The following SDC4 variants were observed in gnomAD, a reference collection of about 807,000 sequenced individuals.
The protein encoded by SDC4 is syndecan 4.
A neutral mutation model predicts 20.5 loss-of-function variants in SDC4; 17 were observed. The observed-to-expected ratio is 0.83, with a 90% CI of 0.57 to 1.25. The LOEUF is 1.25. Ranked by LOEUF, SDC4 falls within the 50% of genes most tolerant of loss-of-function variation. SDC4 has a pLI of 0.00. For synonymous variants in SDC4, 107 were observed against 105.3 expected, an observed-to-expected ratio of 1.02 and a Z score of -0.10; for missense variants, 241 against 252.3, an observed-to-expected ratio of 0.96 and a Z score of 0.30.
chr20:45,341,154 G>A (rs888460943), intron 1 of SDC4, among the ~76,000 whole-genome samples: 1 of 152,220 alleles, frequency 6.6e-6, no homozygotes, highest in African/African-American at 2.4e-5. Context: ...TCAATGAATA[G>A]TGGCTGTGAT....
intron 4 of SDC4, among the ~76,000 whole-genome samples, chr20:45,327,861 C>T (rs1288058038): frequency 6.6e-6 from 1 of 152,242 alleles, no homozygotes; most frequent in Non-Finnish European, 1.5e-5. Context: ...CCAGGCTGGT[C>T]TTGAACTCCT....
intron 1 of SDC4, chr20:45,344,995 C>T (rs1363174693): frequency 6.6e-6 from 1 of 152,150 alleles, no homozygotes; most frequent in South Asian, 2.1e-4. Flanking sequence ...TGGTTCTGAC[C>T]TTAGGAAGCC....
intron 1 of SDC4, among the ~76,000 whole-genome samples, chr20:45,346,273 C>A (rs1458444088): frequency 1.3e-5 from 2 of 152,172 alleles, no homozygotes; most frequent in African/African-American, 2.4e-5. Flanking sequence ...AGGGGACAGG[C>A]CAAAGGGGAA....
intron 2 of SDC4, among the ~76,000 whole-genome samples, chr20:45,334,294 G>A (rs1045275470): frequency 3.3e-5 from 5 of 151,900 alleles, no homozygotes; most frequent in Non-Finnish European, 7.4e-5. Flanking sequence ...ACCGCGCCCG[G>A]CCAAAATCTA....
chr20:45,337,017 A>T (rs1248214869), intron 1 of SDC4, among the ~76,000 whole-genome samples: 1 of 151,926 alleles, frequency 6.6e-6, no homozygotes, highest in African/African-American at 2.4e-5. Context: ...GACACAGCTG[A>T]TCAGGACAGA....
chr20:45,338,836 C>T (rs1398483388), intron 1 of SDC4, among the ~76,000 whole-genome samples: 1 of 152,196 alleles, frequency 6.6e-6, no homozygotes, highest in East Asian at 1.9e-4. Context: ...GGCTCCGCGG[C>T]ACGGCCTGGA....
At chr20:45,333,395 G>A (rs6073715) in intron 2 of SDC4, among the ~76,000 whole-genome samples, 114,556 of 152,172 alleles carry the variant, frequency 0.75, 43,255 homozygotes, top group East Asian at 0.95. Flanking sequence ...AAGGCCAGGC[G>A]CGGTGGCTCA....
intron 1 of SDC4, among the ~76,000 whole-genome samples, chr20:45,347,400 T>A (rs937632824): frequency 6.6e-5 from 10 of 152,046 alleles, no homozygotes; most frequent in African/African-American, 2.4e-4. Context: ...CAGATGAGAT[T>A]GCCCCCCTCC....
chr20:45,329,219 T>A (rs1284473469), intron 4 of SDC4, among the ~76,000 whole-genome samples: 1 of 152,210 alleles, frequency 6.6e-6, no homozygotes, highest in East Asian at 1.9e-4. Context: ...GCTCTTAGGC[T>A]TGTATAATTC....
rs773114922 is a variant in SDC4, at chr20:45,330,466, T to C, written c.345A>G (p.Arg115=). ...KLEENEVIPK[R]ISPVEESEDV... is the part of the protein sequence containing the mutation. ...CCTCACTCTCTTCAACGGGTGAGAT[T>C]CTCTTGGGGATAACCTCATTCTCCT... Residue 115 remains arginine, a synonymous_variant, in exon 4 of 5, where the codon AGA becomes AGG. Transcript: ENST00000372733. 5.1e-5 allele frequency: 82 copies of C among 1,614,096 alleles called. No homozygotes were observed. Among genetic ancestry groups the C allele is most frequent in the Non-Finnish European group, 6.5e-5 (77 of 1,180,042 alleles).
chr20:45,339,291 G>A (rs1987920406), intron 1 of SDC4, among the ~76,000 whole-genome samples: 1 of 152,202 alleles, frequency 6.6e-6, no homozygotes, highest in African/African-American at 2.4e-5. Flanking sequence ...GACCAGAGAT[G>A]GACCCCGCCC....
chr20:45,336,862 T>G (rs1040338167), intron 1 of SDC4, among the ~76,000 whole-genome samples: 2 of 151,798 alleles, frequency 1.3e-5, no homozygotes, highest in African/African-American at 2.4e-5. Context: ...AGGAGTGTAC[T>G]CCTGGATTCA....
intron 1 of SDC4, among the ~76,000 whole-genome samples, chr20:45,339,960 A>G (rs529332218): frequency 6.6e-6 from 1 of 152,282 alleles, no homozygotes; most frequent in East Asian, 1.9e-4. Flanking sequence ...CAGACAAGAC[A>G]AGGGATTTTG....
chr20:45,345,220 T>C (rs1308099483), intron 1 of SDC4: 1 of 152,120 alleles, frequency 6.6e-6, no homozygotes, highest in Non-Finnish European at 1.5e-5. Flanking sequence ...CTGCCCTCAG[T>C]GTGCGGGGGG....
chr20:45,342,368 C>G (rs1175858310), intron 1 of SDC4, among the ~76,000 whole-genome samples: 2 of 152,208 alleles, frequency 1.3e-5, no homozygotes, highest in Non-Finnish European at 2.9e-5. Flanking sequence ...GGTAGCCGGG[C>G]CAGCCATGTG....
chr20:45,342,395 G>A (rs1320901149), intron 1 of SDC4, among the ~76,000 whole-genome samples: 2 of 152,178 alleles, frequency 1.3e-5, no homozygotes, highest in African/African-American at 2.4e-5. Context: ...CTGCCCCCAC[G>A]CCCAGAGGCT....
At chr20:45,338,441 A>G (rs1174136610) in intron 1 of SDC4, among the ~76,000 whole-genome samples, 2 of 152,152 alleles carry the variant, frequency 1.3e-5, no homozygotes, top group African/African-American at 4.8e-5. Flanking sequence ...AGTCCTCAAC[A>G]GGGGCTGTAG....
At chr20:45,338,824 G>A (rs1351134918) in intron 1 of SDC4, among the ~76,000 whole-genome samples, 3 of 152,112 alleles carry the variant, frequency 2.0e-5, no homozygotes, top group South Asian at 2.1e-4. Flanking sequence ...AAGTCACCCC[G>A]GGGCTCCGCG....
Position 45,326,913 on chromosome 20 carries a change from C to T in SDC4, c.*351G>A, listed in dbSNP as rs575925856. On this transcript the variant is annotated 3_prime_UTR_variant, in exon 5 of 5. Coordinates refer to ENST00000372733, the MANE Select transcript of SDC4 (RefSeq NM_002999.4). The stretch of plus-strand genomic sequence containing the variant: ...TCCAGCCAGGACTCCACACAACATC[C>T]GTTAGCCCCCTGGCTTCAGAGGAGC... The T allele has an allele frequency of 5.7e-5, 10 of 176,482 alleles. No homozygotes were observed. The highest frequency in any genetic ancestry group is 1.1e-4 in the Non-Finnish European group (9 of 83,370). 10.9% of individuals were successfully genotyped at this position (176,482 alleles called of 1,614,324 possible). A position where few individuals can be genotyped will look rare whatever the true frequency, so the allele number is the denominator to read the frequency against.
Sources: allele counts gnomAD v4.1 joint callset (sites outside exome capture counted in the v4.1 genomes callset), GRCh38; gene constraint gnomAD v4.1.1; transcripts MANE v1.5; gene names NCBI Gene and HGNC (gene_info 2026-07-23, HGNC 2026-07-21).